Variants in ATP2C1 observed in about 807,000 individuals in gnomAD.
ATP2C1 encodes the protein ATPase secretory pathway Ca2+ transporting 1, also known as calcium-transporting ATPase type 2C member 1.
Under a neutral mutation model 120.5 loss-of-function variants are expected in ATP2C1, and 31 were observed. That is an observed-to-expected ratio of 0.26 (90% CI 0.19 to 0.35). The LOEUF (loss-of-function observed/expected upper bound fraction) is 0.35, where lower values mean the gene tolerates loss of function less well. Ranked by LOEUF, ATP2C1 falls within the 10% of genes least tolerant of loss-of-function variation. The pLI is 1.00. For missense variants in ATP2C1, 731 were observed against 1,107.5 expected (o/e 0.66, Z 4.83); for synonymous variants, 351 against 358.7 (o/e 0.98, Z 0.24).
intron 1 of ATP2C1, among the ~76,000 whole-genome samples, chr3:130,860,621 A>G (rs1366092629): frequency 1.3e-5 from 2 of 152,232 alleles, no homozygotes; most frequent in African/African-American, 4.8e-5. Flanking sequence ...GTAACTTGCT[A>G]CATAGCTCAT....
chr3:130,894,048 G>C (rs2069342244), upstream of ATP2C1: 2 of 986,290 alleles, frequency 2.0e-6, no homozygotes, highest in Non-Finnish European at 2.4e-6. The surrounding 1 kb of genome is among the most constrained non-coding windows in gnomAD (Gnocchi z 4.5). Context: ...GGCCGGCGGC[G>C]GGGAGGGGCG....
rs762718343 is a variant in ATP2C1, at chr3:130,999,617, C to G, written c.2587C>G (p.Pro863Ala). The G allele has an allele frequency of 1.1e-5, 17 of 1,613,532 alleles. No individual in the cohort carries two copies. In the East Asian group the frequency reaches 3.8e-4, roughly 36 times the overall value. Residue 863 changes from proline (P) to alanine (A), a missense_variant, in exon 27 of 28, where the codon CCG (proline) becomes GCG (alanine). By Grantham distance (27) the Pro-to-Ala change is conservative. Transcript: ENST00000510168. ...MGQLLVIYFPPLQKVFQTESL... is the reference protein window; with the variant it reads ...MGQLLVIYFPALQKVFQTESL... ...ACAATTACTAGTTATTTACTTTCCT[C>G]CGCTTCAGAAGGTTTTTCAGACTGA...
At chr3:130,912,757 A>T (rs1428374164) in intron 2 of ATP2C1, among the ~76,000 whole-genome samples, 1 of 149,816 alleles carries the variant, frequency 6.7e-6, no homozygotes, top group Non-Finnish European at 1.5e-5. Flanking sequence ...TACTGGGTAT[A>T]TACCCAAATG....
At chr3:130,911,331 T>C (rs538641124) in intron 2 of ATP2C1, among the ~76,000 whole-genome samples, 1 of 150,920 alleles carries the variant, frequency 6.6e-6, no homozygotes, top group East Asian at 2.0e-4. Context: ...TATTTGATTC[T>C]TCTCTCTTTT....
In ATP2C1 at chr3:130,953,678, T is replaced by G. The variant is rs141308336; in HGVS notation, c.532-143T>G. On this transcript the variant is annotated intron_variant, in intron 8 of 27. Transcript: ENST00000510168. ...TAAAATATGATTGTACTGATTCTGGTCTTTTAGAGTGATGGTTTTGATACA... is the reference window on the plus strand; with the variant it reads ...TAAAATATGATTGTACTGATTCTGGGCTTTTAGAGTGATGGTTTTGATACA... 3.2e-3 allele frequency: 2,717 copies of G among 848,386 alleles called. 11 individuals are homozygous for G. The highest frequency in any genetic ancestry group is 4.1e-3 in the Non-Finnish European group (2,061 of 502,266). The allele number at this position is 848,386 out of a possible 1,614,324, so 52.6% of individuals were successfully genotyped here.
chr3:131,003,243 G>C, downstream of ATP2C1: 3 of 757,768 alleles, frequency 4.0e-6, no homozygotes, highest in Non-Finnish European at 4.8e-6. Context: ...GCTGGAGAAT[G>C]CATAGTACAC....
At chr3:130,902,297 G>GTTTTTTTTTTTTTT (rs398052267) in intron 2 of ATP2C1, among the ~76,000 whole-genome samples, 76 of 13,224 alleles carry the variant, frequency 5.7e-3, no homozygotes, top group African/African-American at 0.01. Context: ...TTTTTTTTTT[G>GTTTTTTTTTTTTTT]TTTTTTTTTT....
intron 17 of ATP2C1, among the ~76,000 whole-genome samples, chr3:130,973,973 G>T (rs1276120458): frequency 2.6e-5 from 4 of 152,304 alleles, no homozygotes; most frequent in African/African-American, 9.6e-5. Flanking sequence ...TGAGGATAGA[G>T]GTAGAGGGTT....
At chr3:130,933,830 G>A (rs2059554079) in intron 4 of ATP2C1, among the ~76,000 whole-genome samples, 1 of 152,200 alleles carries the variant, frequency 6.6e-6, no homozygotes, top group Non-Finnish European at 1.5e-5. Flanking sequence ...GAACCATAAA[G>A]GGGCTTTGGA....
intron 21 of ATP2C1, 54 bp downstream of exon 21, chr3:130,993,055 T>A: frequency 6.8e-7 from 1 of 1,476,170 alleles, no homozygotes; most frequent in East Asian, 2.3e-5. Context: ...TGCTGCTACT[T>A]TACTTTTGTT....
At chr3:130,993,027 T>C (rs373134079) in intron 21 of ATP2C1, 26 bp downstream of exon 21, 28 of 1,595,818 alleles carry the variant, frequency 1.8e-5, no homozygotes, top group Non-Finnish European at 2.1e-5. Flanking sequence ...TCAGATTGTT[T>C]TATTTCTGTA....
intron 2 of ATP2C1, chr3:130,929,719 T>C (rs999042623): frequency 1.3e-5 from 2 of 153,440 alleles, no homozygotes; most frequent in Admixed American, 6.5e-5. Flanking sequence ...ATTTCTAGAG[T>C]TGTGTTAAAC....
chr3:130,982,921 T>TA (rs1027671933), intron 20 of ATP2C1, among the ~76,000 whole-genome samples: 1 of 152,170 alleles, frequency 6.6e-6, no homozygotes, highest in East Asian at 1.9e-4. Flanking sequence ...TATTATGACT[T>TA]AAAAAAATGT....
chr3:130,931,781 C>G (rs1289150071), intron 3 of ATP2C1, among the ~76,000 whole-genome samples: 1 of 151,948 alleles, frequency 6.6e-6, no homozygotes, highest in Non-Finnish European at 1.5e-5. Context: ...TCACCACCAC[C>G]ATTAAGATAG....
intron 2 of ATP2C1, among the ~76,000 whole-genome samples, chr3:130,900,165 C>T (rs982490931): frequency 2.6e-5 from 4 of 152,110 alleles, no homozygotes; most frequent in Admixed American, 6.6e-5. Context: ...TGGACTAATG[C>T]GATCTCCCTG....
rs2069404407 is a variant in ATP2C1 at position 130,894,517 on chromosome 3, C to T, written c.-180-73C>T. 7.2e-7 allele frequency: 1 copy of T among 1,394,202 alleles called. No individual in the cohort carries two copies. The highest frequency in any genetic ancestry group is 9.3e-7 in the Non-Finnish European group (1 of 1,075,698). The allele number at this position is 1,394,202 out of a possible 1,614,324, so 86.4% of individuals were successfully genotyped here. A position where few individuals can be genotyped will look rare whatever the true frequency, so the allele number is the denominator to read the frequency against. On this transcript the variant is annotated intron_variant, in intron 1 of 27. Coordinates refer to ENST00000510168, the MANE Select transcript of ATP2C1 (RefSeq NM_001378687.1). This position sits in a 1 kb window ranked among gnomAD's most constrained non-coding sequence, Gnocchi z 4.5. ...GCGGGATCTTGGGGAGGGGGGCTCC[C>T]GAGATAGTGGCTGGGCGGGGAACTC...
At chr3:130,945,585 A>G (rs1017861703) in intron 8 of ATP2C1, among the ~76,000 whole-genome samples, 1 of 136,354 alleles carries the variant, frequency 7.3e-6, no homozygotes, top group Non-Finnish European at 1.5e-5. Context: ...CTCATTGTTC[A>G]ATTCCCACGT....
chr3:130,930,380 A>G (rs779523082), intron 2 of ATP2C1, 36 bp from the exon 3 acceptor site: 8 of 1,284,962 alleles, frequency 6.2e-6, no homozygotes, highest in Non-Finnish European at 9.1e-6. Flanking sequence ...CTTGTTTGCT[A>G]TATTCAAATA....
intron 18 of ATP2C1, among the ~76,000 whole-genome samples, chr3:130,976,580 G>A (rs912179318): frequency 1.3e-5 from 2 of 152,124 alleles, no homozygotes; most frequent in South Asian, 2.1e-4. Flanking sequence ...AAATTTAAAG[G>A]AAAACAACTT....
Sources: gnomAD v4.1 joint callset for allele counts (sites outside exome capture counted in the v4.1 genomes callset) on GRCh38, gnomAD v4.1.1 for gene constraint, Gnocchi (gnomAD v3.1) non-coding constraint, MANE v1.5 for transcripts, NCBI Gene and HGNC (gene_info 2026-07-23, HGNC 2026-07-21) for gene names.